PTCHD4: variants seen among roughly 807,000 people sequenced by gnomAD.
PTCHD4 encodes patched domain-containing protein 4.
Under a neutral mutation model 58.1 loss-of-function variants are expected in PTCHD4, and 33 were observed. The ratio of observed to expected loss-of-function variants is 0.57; its 90% CI spans 0.43 to 0.76. The LOEUF is 0.76. Among genes scored for constraint, PTCHD4 ranks in the 30% least tolerant of loss-of-function variants. PTCHD4 has a pLI of 0.00. For missense variants in PTCHD4, 1,058 were observed against 1,027.1 expected, an observed-to-expected ratio of 1.03 and a Z score of -0.41; for synonymous variants, 478 against 409.6, an observed-to-expected ratio of 1.17 and a Z score of -2.02.
Position 48,009,129 on chromosome 6 carries a change from A to C in PTCHD4, c.418-15T>G, listed in dbSNP as rs765824587. The C allele has an allele frequency of 1.5e-5, 23 of 1,585,470 alleles. No individual in the cohort carries two copies. Among genetic ancestry groups the C allele is most frequent in the Non-Finnish European group, 2.0e-5 (23 of 1,166,446 alleles). ...TTCCTCCCATCCTTGAAAACAGAAA[A>C]AGAAGAGACTTCAGTTACGGATGTA... On this transcript the variant is annotated splice_polypyrimidine_tract_variant and intron_variant, in intron 3 of 4. Coordinates refer to ENST00000339488, the MANE Select transcript of PTCHD4 (RefSeq NM_001384253.1).
chr6:47,903,599 G>A (rs1764783755), intron 4 of PTCHD4, among the ~76,000 whole-genome samples: 1 of 152,100 alleles, frequency 6.6e-6, no homozygotes, highest in African/African-American at 2.4e-5. Flanking sequence ...ACTGGTATAA[G>A]CAACCATGCC....
chr6:48,099,819 A>T (rs1454040785), intron 1 of PTCHD4, among the ~76,000 whole-genome samples: 2 of 152,202 alleles, frequency 1.3e-5, no homozygotes, highest in Non-Finnish European at 2.9e-5. Context: ...TTATGCAGAG[A>T]TTTAATGAAC....
At chr6:47,898,734 C>T (rs959428542) in intron 4 of PTCHD4, among the ~76,000 whole-genome samples, 1 of 152,112 alleles carries the variant, frequency 6.6e-6, no homozygotes, top group Admixed American at 6.5e-5. Flanking sequence ...AAAGTCACTT[C>T]AGAGAGACAC....
intron 4 of PTCHD4, among the ~76,000 whole-genome samples, chr6:47,963,946 A>G (rs974259330): frequency 1.5e-4 from 23 of 152,242 alleles, no homozygotes; most frequent in African/African-American, 5.3e-4. Flanking sequence ...AGGTTTTGAC[A>G]TAACTGTAAT....
rs372999530 is a variant in PTCHD4 at position 48,091,888 on chromosome 6, G to T, written c.-970+19161C>A. Among the ~76,000 whole-genome samples the T allele has an allele frequency of 1.2e-3, 189 of 151,960 alleles. 4 individuals are homozygous for T. The South Asian group carries it at 0.038, about 30-fold the overall frequency. On this transcript the variant is annotated intron_variant, in intron 1 of 4. Coordinates refer to ENST00000339488, the MANE Select transcript of PTCHD4 (RefSeq NM_001384253.1). ...TGGTCTCGAACTCCTGACCTCTGATGATCCACCTGCCTCGGGCTCCCAAAG... is the reference window on the plus strand; with the variant it reads ...TGGTCTCGAACTCCTGACCTCTGATTATCCACCTGCCTCGGGCTCCCAAAG...
intron 3 of PTCHD4, among the ~76,000 whole-genome samples, chr6:48,067,627 G>A (rs568121780): frequency 6.6e-6 from 1 of 152,230 alleles, no homozygotes; most frequent in East Asian, 1.9e-4. Context: ...AATCAAGCCA[G>A]GCTGAAGATG....
At chr6:48,078,898 C>T (rs1285654333) in intron 1 of PTCHD4, among the ~76,000 whole-genome samples, 1 of 151,916 alleles carries the variant, frequency 6.6e-6, no homozygotes, top group Admixed American at 6.6e-5. Context: ...GCGGGCGGAT[C>T]ACGAGGTTAG....
chr6:47,905,182 C>A (rs1215212681), intron 4 of PTCHD4, among the ~76,000 whole-genome samples: 1 of 151,776 alleles, frequency 6.6e-6, no homozygotes, highest in Non-Finnish European at 1.5e-5. Context: ...CTTTGTAGAT[C>A]ATATGAAATT....
chr6:47,908,404 G>A (rs1214359908), intron 4 of PTCHD4, among the ~76,000 whole-genome samples: 1 of 152,086 alleles, frequency 6.6e-6, no homozygotes, highest in African/African-American at 2.4e-5. Context: ...ATTCAAAGTC[G>A]TGATTCCACC....
intron 4 of PTCHD4, among the ~76,000 whole-genome samples, chr6:47,919,449 G>A (rs899665564): frequency 2.6e-5 from 4 of 152,194 alleles, no homozygotes; most frequent in African/African-American, 9.6e-5. Flanking sequence ...CTTTCAATCA[G>A]TTGATTATGG....
chr6:48,057,306 T>C (rs560024276), intron 3 of PTCHD4, among the ~76,000 whole-genome samples: 3 of 152,102 alleles, frequency 2.0e-5, no homozygotes, highest in Admixed American at 6.5e-5. Flanking sequence ...GGACAAATCA[T>C]AGGATATCAG....
In PTCHD4 at chr6:48,055,065, T is replaced by C. The variant is rs1299449761; in HGVS notation, c.417+13165A>G. 2.0e-5 allele frequency among the ~76,000 whole-genome samples: 3 copies of C among 152,316 alleles called. No individual in the cohort carries two copies. In the East Asian group the frequency reaches 5.8e-4, roughly 29 times the overall value. On this transcript the variant is annotated intron_variant, in intron 3 of 4. Coordinates refer to ENST00000339488, the MANE Select transcript of PTCHD4 (RefSeq NM_001384253.1). ...GATATTTGATTCATAGATTTGTCTA[T>C]TTCCTATGTGTTACCCACTTCATCA...
intron 1 of PTCHD4, among the ~76,000 whole-genome samples, chr6:48,098,298 G>A (rs1306300367): frequency 7.2e-6 from 1 of 138,328 alleles, no homozygotes; most frequent in East Asian, 2.1e-4. Context: ...ATGGAGAAAA[G>A]TAACTGGAAT....
intron 3 of PTCHD4, among the ~76,000 whole-genome samples, chr6:48,015,040 C>G (rs80329951): frequency 0.056 from 8,416 of 150,762 alleles, 359 homozygotes; most frequent in African/African-American, 0.091. Context: ...ACTGATTCAA[C>G]TTCTTCTTTT....
intron 4 of PTCHD4, among the ~76,000 whole-genome samples, chr6:47,969,727 A>C (rs1056598879): frequency 6.6e-6 from 1 of 152,180 alleles, no homozygotes; most frequent in Non-Finnish European, 1.5e-5. Flanking sequence ...TCAAGCTGGC[A>C]TAAATAAAAC....
intron 4 of PTCHD4, among the ~76,000 whole-genome samples, chr6:47,894,758 A>G (rs529559587): frequency 5.6e-4 from 86 of 152,368 alleles, no homozygotes; most frequent in African/African-American, 2.0e-3. Flanking sequence ...TCTTGTGATA[A>G]ATTTTATTCT....
chr6:47,937,936 T>A (rs776688128), intron 4 of PTCHD4, among the ~76,000 whole-genome samples: 3 of 152,142 alleles, frequency 2.0e-5, no homozygotes, highest in Non-Finnish European at 2.9e-5. Context: ...GTGGATAACC[T>A]GAGGTCAGGA....
chr6:48,043,611 C>G (rs2114155960), intron 3 of PTCHD4, among the ~76,000 whole-genome samples: 1 of 151,996 alleles, frequency 6.6e-6, no homozygotes, highest in South Asian at 2.1e-4. Flanking sequence ...TGGATACAGT[C>G]TCAAACCCAA....
intron 3 of PTCHD4, among the ~76,000 whole-genome samples, chr6:48,024,511 T>C (rs1763174500): frequency 6.6e-6 from 1 of 152,118 alleles, no homozygotes; most frequent in Non-Finnish European, 1.5e-5. Flanking sequence ...AATGACCACC[T>C]AGACATAGGC....
Sources: gnomAD v4.1 joint callset for allele counts (sites outside exome capture counted in the v4.1 genomes callset) on GRCh38, gnomAD v4.1.1 for gene constraint, MANE v1.5 for transcripts, NCBI Gene and HGNC (gene_info 2026-07-23, HGNC 2026-07-21) for gene names.